STARD3: variants seen among roughly 807,000 people sequenced by gnomAD.
The protein encoded by STARD3 is StAR related lipid transfer domain containing 3.
STARD3 carries 39 observed loss-of-function variants against 62.0 expected under a neutral mutation model. That is an observed-to-expected ratio of 0.63 (90% CI 0.49 to 0.82). The LOEUF (loss-of-function observed/expected upper bound fraction) is 0.82. Ranked by LOEUF, STARD3 falls within the 40% of genes least tolerant of loss-of-function variation. STARD3 has a pLI of 0.00. For missense variants in STARD3, 543 were observed against 584.5 expected, an observed-to-expected ratio of 0.93 and a Z score of 0.73; for synonymous variants, 229 against 242.4, an observed-to-expected ratio of 0.94 and a Z score of 0.51.
chr17:39,653,843 T>A, intron 2 of STARD3, 93 bp downstream of exon 2: 1 of 1,449,494 alleles, frequency 6.9e-7, no homozygotes, highest in Non-Finnish European at 9.5e-7. Context: ...GCCTCTCCCC[T>A]GGGGTTGGTT....
intron 5 of STARD3, 50 bp from the exon 6 acceptor site, chr17:39,658,354 TC>T: frequency 6.5e-7 from 1 of 1,549,390 alleles, no homozygotes; most frequent in African/African-American, 1.4e-5. Flanking sequence ...AGAAGGGGGC[TC>T]TGGGTTTGGG....
intron 1 of STARD3, among the ~76,000 whole-genome samples, chr17:39,650,105 G>A (rs1033703363): frequency 3.9e-5 from 6 of 152,092 alleles, no homozygotes; most frequent in African/African-American, 9.7e-5. Context: ...AAAAGGATAC[G>A]TTGAAGTCCT....
rs540902975 is a variant in STARD3 at position 39,643,527 on chromosome 17, C to G, written c.-52+6296C>G. Among the ~76,000 whole-genome samples, 3 of 152,282 alleles carry G rather than the reference C, an allele frequency of 2.0e-5. No homozygotes were observed. In the South Asian group the frequency reaches 6.2e-4, roughly 32 times the overall value. On this transcript the variant is annotated intron_variant, in intron 1 of 14. Coordinates refer to ENST00000336308, the MANE Select transcript of STARD3 (RefSeq NM_006804.4). ...CCAGCTGGATCTGTGTCTTCTGCAC[C>G]AGCCCATCTGGATGCAGTGCAACCT...
rs1392071928 is a variant in STARD3 at position 39,658,805 on chromosome 17, C to G, written c.631C>G (p.Pro211Ala). Reference sequence around the variant, plus strand: ...GTCCGAGGGACAGTTCTATTCACCCCCAGAATCCTTTGCAGGTGAGGGCTG... The same window carrying G: ...GTCCGAGGGACAGTTCTATTCACCCGCAGAATCCTTTGCAGGTGAGGGCTG... Reference protein sequence around the residue: ...ALSEGQFYSPPESFAGSDNES... With the variant: ...ALSEGQFYSPAESFAGSDNES... Residue 211 changes from proline (P) to alanine (A), a missense_variant, in exon 7 of 15, where the codon CCA becomes GCA. Transcript: ENST00000336308. 1.2e-6 allele frequency: 2 copies of G among 1,614,030 alleles called. No individual in the cohort carries two copies. The highest frequency in any genetic ancestry group is 1.7e-5 in the Admixed American group (1 of 60,006).
intron 14 of STARD3, 45 bp from the exon 15 acceptor site, chr17:39,662,759 C>T (rs2057214232): frequency 1.3e-6 from 2 of 1,546,896 alleles, no homozygotes; most frequent in East Asian, 2.3e-5. Flanking sequence ...GGAGACCCTG[C>T]TGAGGGCAGG....
At chr17:39,648,821 C>G (rs955629392) in intron 1 of STARD3, among the ~76,000 whole-genome samples, 6 of 152,204 alleles carry the variant, frequency 3.9e-5, no homozygotes, top group Admixed American at 3.9e-4. Context: ...TCTCTCGCTT[C>G]GACAGGGACG....
rs2057215165 is a variant in STARD3, at chr17:39,662,828, C to A, written c.1258C>A (p.His420Asn). ...LKGRLPRYLI[H>N]QSLAATMFEF... is the part of the protein sequence containing the mutation. ...GGGCCGCCTGCCCCGGTACCTCATC[C>A]ACCAGAGCCTCGCGGCCACCATGTT... The change falls in exon 15 of 15, where the codon CAC (histidine) becomes AAC (asparagine). Residue 420 changes from histidine (H) to asparagine (N), a missense_variant. Transcript: ENST00000336308. 6.2e-7 allele frequency: 1 copy of A among 1,611,718 alleles called. No individual in the cohort carries two copies. The highest frequency in any genetic ancestry group is 2.2e-5 in the East Asian group (1 of 44,494).
Position 39,655,935 on chromosome 17 carries a change from T to A in STARD3, c.220-1073T>A, listed in dbSNP as rs2057124365. On this transcript the variant is annotated intron_variant, in intron 2 of 14. Transcript: ENST00000336308. Reference sequence around the variant, plus strand: ...GGACAGAGCTCTGAGGCCTAGTGACTGAGGGTGGAAGGGGCTGCAGAGCCC... The same window carrying A: ...GGACAGAGCTCTGAGGCCTAGTGACAGAGGGTGGAAGGGGCTGCAGAGCCC... Among the ~76,000 whole-genome samples, 6 of 138,906 alleles carry A rather than the reference T, an allele frequency of 4.3e-5. No homozygotes were observed. In the South Asian group the frequency reaches 1.5e-3, roughly 35 times the overall value. 91.1% of individuals were successfully genotyped at this position (138,906 alleles called of 152,430 possible). A position where few individuals can be genotyped will look rare whatever the true frequency, so the allele number is the denominator to read the frequency against.
intron 2 of STARD3, 125 bp downstream of exon 2, chr17:39,653,875 G>C: frequency 9.3e-7 from 1 of 1,071,344 alleles, no homozygotes. Context: ...ATGAAGACTG[G>C]GAGGAACAAC....
Position 39,660,279 on chromosome 17 carries a change from T to G in STARD3, c.858+6T>G, listed in dbSNP as rs373807639. ...GCAAGACGTTTATCCTGAAGGTGAGTGAGGGGAGCGGGTGTCCTGGAGCCC... is the reference window on the plus strand; with the variant it reads ...GCAAGACGTTTATCCTGAAGGTGAGGGAGGGGAGCGGGTGTCCTGGAGCCC... On this transcript the variant is annotated splice_donor_region_variant and intron_variant, in intron 10 of 14. Coordinates refer to ENST00000336308, the MANE Select transcript of STARD3 (RefSeq NM_006804.4). The surrounding 1 kb of genome is among the most constrained non-coding windows in gnomAD (Gnocchi z 4.8). 1 of 1,613,490 alleles carries G rather than the reference T, an allele frequency of 6.2e-7. No individual in the cohort carries two copies. The highest frequency in any genetic ancestry group is 8.5e-7 in the Non-Finnish European group (1 of 1,179,930).
chr17:39,660,210 G>A lies in STARD3; in HGVS notation c.796-1G>A. 6.2e-7 allele frequency: 1 copy of A among 1,613,998 alleles called. No homozygotes were observed. The highest frequency in any genetic ancestry group is 8.5e-7 in the Non-Finnish European group (1 of 1,179,952). On this transcript the variant is annotated splice_acceptor_variant, in intron 9 of 14. Coordinates refer to ENST00000336308, the MANE Select transcript of STARD3 (RefSeq NM_006804.4). LOFTEE classifies it high-confidence loss of function. This position sits in a 1 kb window ranked among gnomAD's most constrained non-coding sequence, Gnocchi z 4.8. ...CCTGCCACCTTCTGTCCCTGCCATAGGAATATGGGGACACCGTGTACACCA... is the reference window on the plus strand; with the variant it reads ...CCTGCCACCTTCTGTCCCTGCCATAAGAATATGGGGACACCGTGTACACCA...
intron 2 of STARD3, among the ~76,000 whole-genome samples, chr17:39,655,870 G>A (rs576196452): frequency 3.3e-5 from 5 of 151,958 alleles, no homozygotes; most frequent in Admixed American, 6.6e-5. Flanking sequence ...AGTCCTGATC[G>A]GTCAGCACCG....
chr17:39,661,125 T>A lies in STARD3; in HGVS notation c.1139+40T>A, dbSNP rs1186226653. On this transcript the variant is annotated intron_variant, in intron 13 of 14. Coordinates refer to ENST00000336308, the MANE Select transcript of STARD3 (RefSeq NM_006804.4). ...GCCTGGGGTCACCCCTGCCAGCCCC[T>A]CCCCTGGGAGCATTGAGCAGTGCAG... The A allele has an allele frequency of 3.2e-6, 5 of 1,586,904 alleles. No homozygotes were observed. In the South Asian group the frequency reaches 4.4e-5, roughly 14 times the overall value.
rs185500997 is a variant in STARD3, at chr17:39,663,803, C to T, written c.*895C>T. Among the ~76,000 whole-genome samples, 516 of 152,322 alleles carry T rather than the reference C, an allele frequency of 3.4e-3. 1 individual carries two copies. The highest frequency in any genetic ancestry group is 4.3e-3 in the Non-Finnish European group (294 of 68,022). On this transcript the variant is annotated 3_prime_UTR_variant, in exon 15 of 15. Transcript: ENST00000336308. ...GCACCTGGCAGTGCCCACAGCAAGC[C>T]TTGACTGTGTGGCCTGGAGATGGGG...
chr17:39,645,828 C>T, intron 1 of STARD3, among the ~76,000 whole-genome samples: 1 of 150,496 alleles, frequency 6.6e-6, no homozygotes, highest in East Asian at 1.9e-4. Context: ...GGTTACCATA[C>T]TCCCTCCTGA....
chr17:39,639,052 C>T lies in STARD3; in HGVS notation c.-52+1821C>T, dbSNP rs182529565. On this transcript the variant is annotated intron_variant, in intron 1 of 14. Transcript: ENST00000336308. ...TGAGCCCAGGAATTTGAAGTTACAA[C>T]GAGATATGGTTGTGCCACTGCACTC... 7.4e-4 allele frequency among the ~76,000 whole-genome samples: 113 copies of T among 152,230 alleles called. 1 individual carries two copies. The highest frequency in any genetic ancestry group is 2.5e-3 in the African/African-American group (105 of 41,520).
At chr17:39,659,966 G>GT in intron 9 of STARD3, 1 of 579,862 alleles carries the variant, frequency 1.7e-6, no homozygotes, top group South Asian at 2.1e-5. Flanking sequence ...TGGAGACATG[G>GT]TTTTTTGTGG....
intron 1 of STARD3, among the ~76,000 whole-genome samples, chr17:39,637,900 G>A (rs756663789): frequency 1.8e-4 from 27 of 151,900 alleles, no homozygotes; most frequent in Non-Finnish European, 2.8e-4. Context: ...TTTCCCCCAC[G>A]GCTTCAGCTT....
intron 1 of STARD3, among the ~76,000 whole-genome samples, chr17:39,638,981 A>ATT (rs2056960195): frequency 1.3e-5 from 2 of 152,216 alleles, no homozygotes; most frequent in African/African-American, 4.8e-5. Context: ...CGCTACAAAA[A>ATT]TTTAAAAAAC....
Sources: allele counts gnomAD v4.1 joint callset (sites outside exome capture counted in the v4.1 genomes callset), GRCh38; gene constraint gnomAD v4.1.1; non-coding constraint Gnocchi (gnomAD v3.1); transcripts MANE v1.5; gene names NCBI Gene and HGNC (gene_info 2026-07-23, HGNC 2026-07-21).